Variants in ABHD5 observed in about 807,000 individuals in gnomAD.
The protein encoded by ABHD5 is abhydrolase domain containing 5, lysophosphatidic acid acyltransferase.
ABHD5 carries 30 observed loss-of-function variants against 44.9 expected under a neutral mutation model. The observed-to-expected ratio is 0.67, with a 90% CI of 0.50 to 0.91. The LOEUF (loss-of-function observed/expected upper bound fraction) is 0.91, where lower values mean the gene tolerates loss of function less well. ABHD5 is among the 40% of genes least tolerant of loss of function. ABHD5 has a pLI of 0.00. For synonymous variants in ABHD5, 167 were observed against 147.0 expected (o/e 1.14, Z -0.99); for missense variants, 399 against 423.4 (o/e 0.94, Z 0.50).
chr3:43,712,265 A>C (rs1183663634), intron 4 of ABHD5, among the ~76,000 whole-genome samples: 1 of 152,120 alleles, frequency 6.6e-6, no homozygotes, highest in Admixed American at 6.6e-5. Context: ...AATTGATGAT[A>C]CCATTTGGTA....
intron 2 of ABHD5, chr3:43,699,628 A>G (rs1160498039): frequency 5.9e-6 from 2 of 337,448 alleles, no homozygotes; most frequent in African/African-American, 4.1e-5. Flanking sequence ...TATTATCAAT[A>G]TTTATCATTT....
chr3:43,715,437 A>G (rs2084752370), intron 5 of ABHD5, among the ~76,000 whole-genome samples: 2 of 152,192 alleles, frequency 1.3e-5, no homozygotes, highest in South Asian at 4.1e-4. Context: ...TGTTGGGATT[A>G]CAGGTGTGAG....
At chr3:43,716,330 A>T (rs1050282838) in intron 5 of ABHD5, among the ~76,000 whole-genome samples, 1 of 152,138 alleles carries the variant, frequency 6.6e-6, no homozygotes, top group East Asian at 1.9e-4. Context: ...CTGCATCTCT[A>T]ACAAATACTC....
chr3:43,714,508 A>G (rs1371393791), intron 4 of ABHD5, among the ~76,000 whole-genome samples: 2 of 152,192 alleles, frequency 1.3e-5, no homozygotes, highest in Non-Finnish European at 1.5e-5. Flanking sequence ...CTAGTGTCCC[A>G]AGAAGAAGCT....
intron 7 of ABHD5, among the ~76,000 whole-genome samples, chr3:43,731,847 A>G (rs1350933876): frequency 6.6e-6 from 1 of 152,102 alleles, no homozygotes; most frequent in Non-Finnish European, 1.5e-5. Flanking sequence ...AAATAAATAA[A>G]TAAATAAAAA....
At chr3:43,711,634 A>G (rs2084689223) in intron 3 of ABHD5, 75 bp from the exon 4 acceptor site, 2 of 1,559,422 alleles carry the variant, frequency 1.3e-6, no homozygotes, top group East Asian at 4.5e-5. Flanking sequence ...CCTTTATTTT[A>G]TAAATCATGT....
chr3:43,702,548 G>A lies in ABHD5; in HGVS notation c.467G>A (p.Gly156Glu), dbSNP rs2084557214. 6.2e-7 allele frequency: 1 copy of A among 1,614,094 alleles called. No homozygotes were observed. Among genetic ancestry groups the A allele is most frequent in the Non-Finnish European group, 8.5e-7 (1 of 1,180,042 alleles). The change falls in exon 3 of 7, where the codon GGA becomes GAA. Residue 156 changes from glycine to glutamate, a missense_variant. Physicochemically the swap from Gly to Glu is moderately conservative, Grantham distance 98 (BLOSUM62 -2). Coordinates refer to ENST00000644371, the MANE Select transcript of ABHD5 (RefSeq NM_016006.6). ...KMILLGHNLG[G>E]FLAAAYSLKY... Reference sequence around the variant, plus strand: ...ATCTTGCTTGGGCACAACCTAGGTGGATTCTTGGCTGCTGCTTACTCGCTG... The same window carrying A: ...ATCTTGCTTGGGCACAACCTAGGTGAATTCTTGGCTGCTGCTTACTCGCTG...
intron 4 of ABHD5, among the ~76,000 whole-genome samples, chr3:43,712,557 G>A (rs1276442709): frequency 1.3e-5 from 2 of 152,090 alleles, no homozygotes; most frequent in East Asian, 1.9e-4. Context: ...CCTTTCCCCC[G>A]TACAACTTGT....
downstream of ABHD5, among the ~76,000 whole-genome samples, chr3:43,725,857 T>TG (rs1437095196): frequency 6.6e-6 from 1 of 151,364 alleles, no homozygotes; most frequent in African/African-American, 2.4e-5. Flanking sequence ...AGTTTTTTTT[T>TG]TTGTTTTTTT....
intron 4 of ABHD5, 29 bp from the exon 5 acceptor site, chr3:43,714,918 A>G (rs1437623939): frequency 2.7e-6 from 4 of 1,498,948 alleles, no homozygotes; most frequent in Non-Finnish European, 3.7e-6. Flanking sequence ...AATTTAAAAC[A>G]TGCATTTTTT....
At chr3:43,708,808 A>G (rs2084653918) in intron 3 of ABHD5, among the ~76,000 whole-genome samples, 1 of 152,214 alleles carries the variant, frequency 6.6e-6, no homozygotes, top group South Asian at 2.1e-4. Context: ...GCCCTTCTAT[A>G]TTGTTTGGAA....
At chr3:43,733,264 G>A (rs1256229583) in intron 7 of ABHD5, among the ~76,000 whole-genome samples, 1 of 152,208 alleles carries the variant, frequency 6.6e-6, no homozygotes, top group Non-Finnish European at 1.5e-5. Flanking sequence ...AGGCCTGTCA[G>A]ACAAGGGAGA....
downstream of ABHD5, among the ~76,000 whole-genome samples, chr3:43,726,855 C>G (rs1243599436): frequency 2.6e-5 from 4 of 152,186 alleles, no homozygotes; most frequent in Admixed American, 6.5e-5. Context: ...TTTTAACAAG[C>G]ACTCCTGTCC....
intron 2 of ABHD5, among the ~76,000 whole-genome samples, chr3:43,700,498 G>A (rs1033678587): frequency 6.6e-6 from 1 of 151,978 alleles, no homozygotes; most frequent in African/African-American, 2.4e-5. Flanking sequence ...GAATTTGTTT[G>A]TGCATTTGAA....
In ABHD5 at chr3:43,715,061, G is replaced by A. The variant is rs1443464040; in HGVS notation, c.773+3G>A. The A allele has an allele frequency of 1.3e-6, 2 of 1,597,848 alleles. No homozygotes were observed. Among genetic ancestry groups the A allele is most frequent in the Non-Finnish European group, 1.7e-6 (2 of 1,166,964 alleles). On this transcript the variant is annotated splice_donor_region_variant and intron_variant, in intron 5 of 6. Coordinates refer to ENST00000644371, the MANE Select transcript of ABHD5 (RefSeq NM_016006.6). ...CACTGTAATGTGCAGACTCCAAGGT[G>A]AGGGTTAGGATTCTCAATTCACTCT...
In ABHD5 at chr3:43,702,633, G is replaced by A. The variant is rs544211166; in HGVS notation, c.506+46G>A. 4.3e-6 allele frequency: 7 copies of A among 1,613,872 alleles called. No homozygotes were observed. In the African/African-American group the frequency reaches 9.3e-5, roughly 22 times the overall value. ...AGAGGGATTATAACTGTGCTTCCAA[G>A]TACCAGACTCTAGTTCCCATCTTTG... On this transcript the variant is annotated intron_variant, in intron 3 of 6. Transcript: ENST00000644371.
chr3:43,702,028 T>C, intron 2 of ABHD5, 187 bp from the exon 3 acceptor site: 1 of 584,512 alleles, frequency 1.7e-6, no homozygotes, highest in Non-Finnish European at 2.9e-6. Flanking sequence ...CCCCTTTAGG[T>C]GTAAAACATG....
At position 43,702,344 on chromosome 3, in the gene ABHD5, T is replaced by A; in HGVS notation, c.263T>A (p.Leu88His). 1 of 1,614,084 alleles carries A rather than the reference T, an allele frequency of 6.2e-7. No individual in the cohort carries two copies. Among genetic ancestry groups the A allele is most frequent in the Non-Finnish European group, 8.5e-7 (1 of 1,179,888 alleles). The change falls in exon 3 of 7, where the codon CTT becomes CAT. Residue 88 changes from leucine to histidine, a missense_variant. Transcript: ENST00000644371. ...CTTCTCCATGGTTTTGGAGGAGGTC[T>A]TGGGCTCTGGGCACTGAATTTTGGA... ...LVLLHGFGGG[L>H]GLWALNFGDL...
intron 1 of ABHD5, among the ~76,000 whole-genome samples, chr3:43,696,722 G>A (rs2084478063): frequency 6.6e-6 from 1 of 152,186 alleles, no homozygotes; most frequent in Non-Finnish European, 1.5e-5. Flanking sequence ...TAATCCTGTA[G>A]AGTGTCTCAA....
Sources: gnomAD v4.1 joint callset for allele counts (sites outside exome capture counted in the v4.1 genomes callset) on GRCh38, gnomAD v4.1.1 for gene constraint, MANE v1.5 for transcripts, NCBI Gene and HGNC (gene_info 2026-07-23, HGNC 2026-07-21) for gene names.